The following PTPRK variants were observed in gnomAD, a reference collection of about 807,000 sequenced individuals.
PTPRK encodes receptor-type tyrosine-protein phosphatase kappa.
Under a neutral mutation model 178.0 loss-of-function variants are expected in PTPRK, and 75 were observed. The ratio of observed to expected loss-of-function variants is 0.42; its 90% CI spans 0.35 to 0.51. PTPRK has a LOEUF of 0.51. Ranked by LOEUF, PTPRK falls within the 20% of genes least tolerant of loss-of-function variation. The probability of loss-of-function intolerance (pLI) is 0.02; values close to 1 mark genes in which losing one functional copy is unlikely to be tolerated. For missense variants in PTPRK, 1,441 were observed against 1,797.8 expected (o/e 0.80, Z 3.59); for synonymous variants, 637 against 620.6 (o/e 1.03, Z -0.39).
chr6:128,316,715 T>C (rs1408614153), intron 3 of PTPRK, among the ~76,000 whole-genome samples: 10 of 150,952 alleles, frequency 6.6e-5, no homozygotes, highest in African/African-American at 1.7e-4. Context: ...TTTTCTTTTT[T>C]TTTTTTTTTT....
At chr6:128,275,453 A>G (rs1820574792) in intron 3 of PTPRK, among the ~76,000 whole-genome samples, 1 of 152,002 alleles carries the variant, frequency 6.6e-6, no homozygotes, top group African/African-American at 2.4e-5. Context: ...TAAAAGAAAG[A>G]GTTCAAGGGC....
chr6:128,457,543 C>T (rs941207015), intron 1 of PTPRK, among the ~76,000 whole-genome samples: 1 of 152,058 alleles, frequency 6.6e-6, no homozygotes, highest in Non-Finnish European at 1.5e-5. Context: ...TAATCACTTG[C>T]AATAAATTTT....
rs376618931 is a variant in PTPRK at position 128,003,210 on chromosome 6, C to T, written c.2494+1874G>A. ...TTAGGGCCTCACCTAACACAGCAGT[C>T]GGTACAAGTGGATCATTGGGCACTG... is the stretch of plus-strand genomic sequence containing the variant. On this transcript the variant is annotated intron_variant, in intron 15 of 29. Transcript: ENST00000368226. The T allele has an allele frequency of 2.7e-5, 43 of 1,604,298 alleles. No homozygotes were observed. The African/African-American group carries it at 4.3e-4, about 16-fold the overall frequency.
intron 2 of PTPRK, among the ~76,000 whole-genome samples, chr6:128,396,286 C>T (rs1840286894): frequency 6.7e-6 from 1 of 148,836 alleles, no homozygotes; most frequent in African/African-American, 2.4e-5. Context: ...ATTATTAGTA[C>T]TAAGCAATCA....
chr6:128,446,544 TG>T (rs1847059060), intron 1 of PTPRK, among the ~76,000 whole-genome samples: 1 of 152,196 alleles, frequency 6.6e-6, no homozygotes, highest in African/African-American at 2.4e-5. Flanking sequence ...AAAAAGTCTG[TG>T]ACACTGTTAC....
At chr6:128,383,568 A>G (rs1324555969) in intron 2 of PTPRK, among the ~76,000 whole-genome samples, 2 of 152,236 alleles carry the variant, frequency 1.3e-5, no homozygotes, top group Non-Finnish European at 2.9e-5. Flanking sequence ...ATTCAAAAAT[A>G]ATTTGAGTTC....
intron 7 of PTPRK, among the ~76,000 whole-genome samples, chr6:128,126,992 A>G (rs1793487936): frequency 1.3e-5 from 2 of 151,314 alleles, no homozygotes; most frequent in South Asian, 4.2e-4. Context: ...TAGTCATTCT[A>G]ATAGGTTTAG....
intron 13 of PTPRK, among the ~76,000 whole-genome samples, chr6:128,030,398 A>T (rs1775113314): frequency 2.0e-5 from 3 of 152,188 alleles, no homozygotes; most frequent in African/African-American, 7.2e-5. Flanking sequence ...AAGGGTAAAA[A>T]TCATAAGATT....
intron 5 of PTPRK, 70 bp downstream of exon 5, chr6:128,239,965 A>C (rs1327877733): frequency 1.6e-6 from 2 of 1,214,894 alleles, no homozygotes; most frequent in Admixed American, 1.8e-5. Context: ...ATGAGACAAC[A>C]AACAGTCCTG....
At chr6:128,270,687 C>T (rs1467411791) in intron 3 of PTPRK, among the ~76,000 whole-genome samples, 1 of 152,106 alleles carries the variant, frequency 6.6e-6, no homozygotes, top group Non-Finnish European at 1.5e-5. Context: ...GTACAATACG[C>T]AGCATCCAGT....
chr6:128,375,094 T>TATC (rs1836862298), intron 2 of PTPRK, among the ~76,000 whole-genome samples: 1 of 147,596 alleles, frequency 6.8e-6, no homozygotes, highest in Non-Finnish European at 1.5e-5. Flanking sequence ...TTATTATTAT[T>TATC]ATTATTATTA....
intron 7 of PTPRK, among the ~76,000 whole-genome samples, chr6:128,095,218 G>A (rs1035403729): frequency 6.6e-6 from 1 of 152,100 alleles, no homozygotes; most frequent in Non-Finnish European, 1.5e-5. Flanking sequence ...TTGAGGTGAT[G>A]GATAAGTAGC....
intron 3 of PTPRK, among the ~76,000 whole-genome samples, chr6:128,282,100 G>A (rs1438431118): frequency 2.0e-5 from 3 of 152,072 alleles, no homozygotes; most frequent in Non-Finnish European, 4.4e-5. Flanking sequence ...CATATGCTAC[G>A]GTGGGGGAAA....
At chr6:128,454,370 A>G (rs1317541971) in intron 1 of PTPRK, among the ~76,000 whole-genome samples, 1 of 152,250 alleles carries the variant, frequency 6.6e-6, no homozygotes, top group Non-Finnish European at 1.5e-5. Context: ...AGTTATCTAA[A>G]TAGCAAAGAT....
chr6:128,083,133 A>T (rs1785115302), intron 9 of PTPRK, among the ~76,000 whole-genome samples: 1 of 152,134 alleles, frequency 6.6e-6, no homozygotes, highest in African/African-American at 2.4e-5. Flanking sequence ...TAGAAATTTA[A>T]GCATTTATGA....
At chr6:127,981,437 T>C in intron 24 of PTPRK, 148 bp from the exon 25 acceptor site, 1 of 655,420 alleles carries the variant, frequency 1.5e-6, no homozygotes, top group African/African-American at 1.8e-5. Flanking sequence ...CTGATAGACC[T>C]TGTAGTTAAA....
chr6:128,427,594 CT>C (rs1844307205), intron 1 of PTPRK, among the ~76,000 whole-genome samples: 1 of 152,196 alleles, frequency 6.6e-6, no homozygotes, highest in African/African-American at 2.4e-5. Context: ...ATGATTTTTA[CT>C]TTTTTATGAT....
intron 3 of PTPRK, among the ~76,000 whole-genome samples, chr6:128,289,851 C>T (rs1260584975): frequency 1.1e-4 from 16 of 152,036 alleles, no homozygotes; most frequent in Admixed American, 1.0e-3. Flanking sequence ...ATGTGTCAAA[C>T]AATATTATTA....
At chr6:128,491,757 G>A (rs1378759308) in intron 1 of PTPRK, 1 of 517,870 alleles carries the variant, frequency 1.9e-6, no homozygotes, top group Non-Finnish European at 3.9e-6. Flanking sequence ...TCATGATCCT[G>A]GCCAGGGTTC....
Sources: allele counts gnomAD v4.1 joint callset (sites outside exome capture counted in the v4.1 genomes callset), GRCh38; gene constraint gnomAD v4.1.1; transcripts MANE v1.5; gene names NCBI Gene and HGNC (gene_info 2026-07-23, HGNC 2026-07-21).